ZNF398: variants seen among roughly 807,000 people sequenced by gnomAD.
ZNF398 encodes zinc finger DNA binding protein ZER6.
Under a neutral mutation model 41.9 loss-of-function variants are expected in ZNF398, and 18 were observed. The ratio of observed to expected loss-of-function variants is 0.43; its 90% CI spans 0.30 to 0.64. ZNF398 has a LOEUF of 0.64. ZNF398 is among the 30% of genes least tolerant of loss of function. The pLI is 0.14. For missense variants in ZNF398, 669 were observed against 822.8 expected (o/e 0.81, Z 2.29); for synonymous variants, 260 against 308.8 (o/e 0.84, Z 1.66).
chr7:149,131,148 G>T (rs928675451), intron 2 of ZNF398, among the ~76,000 whole-genome samples: 16 of 152,152 alleles, frequency 1.1e-4, no homozygotes, highest in African/African-American at 3.4e-4. Flanking sequence ...TTTATTCAAA[G>T]AAACCATAAA....
At chr7:149,152,370 G>C (rs1827140286) in intron 1 of ZNF398, among the ~76,000 whole-genome samples, 1 of 147,722 alleles carries the variant, frequency 6.8e-6, no homozygotes, top group Non-Finnish European at 1.5e-5. Flanking sequence ...ACGCCATTCT[G>C]CTGCCTCAGC....
At chr7:149,155,734 T>A (rs200615250) in intron 2 of ZNF398, among the ~76,000 whole-genome samples, 71,889 of 109,546 alleles carry the variant, frequency 0.66, 23,689 homozygotes, top group East Asian at 0.9. Context: ...TTTTTTAATT[T>A]TTTTTTTTTT....
Position 149,132,308 on chromosome 7 carries a change from C to A in ZNF398, c.-490+3364C>A, listed in dbSNP as rs557077315. ...CTCCCAGGTTCAACTGATTCTCCTG[C>A]CTCAGCCTCCCGAGTAGCTGAGATT... is the stretch of plus-strand genomic sequence containing the variant. On this transcript the variant is annotated intron_variant, in intron 2 of 6. Transcript: ENST00000426851. 7.3e-5 allele frequency among the ~76,000 whole-genome samples: 11 copies of A among 151,650 alleles called. No homozygotes were observed. In the Admixed American group the frequency reaches 7.3e-4, roughly 10 times the overall value.
chr7:149,167,579 A>G (rs745607511), intron 4 of ZNF398, among the ~76,000 whole-genome samples: 1 of 151,182 alleles, frequency 6.6e-6, no homozygotes, highest in Non-Finnish European at 1.5e-5. Context: ...TATTATATGA[A>G]CTTCTCTTAC....
intron 2 of ZNF398, among the ~76,000 whole-genome samples, chr7:149,154,786 T>G (rs1242645139): frequency 1.3e-5 from 2 of 151,248 alleles, no homozygotes; most frequent in Non-Finnish European, 2.9e-5. Flanking sequence ...GTCAGGAGTT[T>G]GAGACCATCC....
chr7:149,158,594 G>C (rs1407294471), intron 2 of ZNF398, among the ~76,000 whole-genome samples: 3 of 152,050 alleles, frequency 2.0e-5, no homozygotes, highest in African/African-American at 7.2e-5. Flanking sequence ...CAGCACTTTG[G>C]GAGGCCTAGG....
chr7:149,136,867 C>A (rs1419367999), intron 2 of ZNF398, among the ~76,000 whole-genome samples: 1 of 136,066 alleles, frequency 7.3e-6, no homozygotes, highest in African/African-American at 2.7e-5. Flanking sequence ...CGCGCTGGGC[C>A]TTTTTTTTTT....
At chr7:149,137,127 A>G (rs1235511775) in intron 2 of ZNF398, among the ~76,000 whole-genome samples, 1 of 152,082 alleles carries the variant, frequency 6.6e-6, no homozygotes, top group Non-Finnish European at 1.5e-5. Flanking sequence ...TCAGCCTCCC[A>G]AAGTGCTGGG....
At chr7:149,159,589 A>T (rs1795057407) in intron 2 of ZNF398, among the ~76,000 whole-genome samples, 1 of 152,042 alleles carries the variant, frequency 6.6e-6, no homozygotes, top group Non-Finnish European at 1.5e-5. Context: ...TGGAGGTTGC[A>T]GTGAGCTGAG....
chr7:149,127,438 G>C (rs1826505179), intron 1 of ZNF398, among the ~76,000 whole-genome samples: 1 of 150,692 alleles, frequency 6.6e-6, no homozygotes, highest in South Asian at 2.1e-4. Context: ...TGGGCGCGGT[G>C]CCTCACGCCT....
intron 2 of ZNF398, among the ~76,000 whole-genome samples, chr7:149,155,012 C>T (rs1466664610): frequency 1.4e-5 from 2 of 146,656 alleles, no homozygotes; most frequent in South Asian, 2.2e-4. Flanking sequence ...AAAGGCCTGG[C>T]GAGATGACTC....
Position 149,163,280 on chromosome 7 carries a change from C to G in ZNF398, c.421-2878C>G, listed in dbSNP as rs550468675. On this transcript the variant is annotated intron_variant, in intron 2 of 5. Transcript: ENST00000475153. ...AGTGCAGTGGCGTGATCTCAGCTCA[C>G]TGGAACCTCCGCCTCCCAGGTTCAA... is the stretch of plus-strand genomic sequence containing the variant. 7.2e-5 allele frequency among the ~76,000 whole-genome samples: 11 copies of G among 152,186 alleles called. No individual in the cohort carries two copies. In the South Asian group the frequency reaches 2.3e-3, roughly 32 times the overall value.
rs539537295 is a variant in ZNF398 at position 149,180,852 on chromosome 7, T to A, written c.*1051T>A. The A allele has an allele frequency of 3.9e-5, 6 of 152,356 alleles. No individual in the cohort carries two copies. The South Asian group carries it at 1.2e-3, about 32-fold the overall frequency. The allele number at this position is 152,356 out of a possible 1,614,324, so 9.4% of individuals were successfully genotyped here. Reference sequence around the variant, plus strand: ...CAGTAGTGAGATGATAACAGTGTTATAATGCAGCTTCCTTGAGCCATCAGA... The same window carrying A: ...CAGTAGTGAGATGATAACAGTGTTAAAATGCAGCTTCCTTGAGCCATCAGA... On this transcript the variant is annotated 3_prime_UTR_variant, in exon 6 of 6. Transcript: ENST00000475153.
At chr7:149,128,779 A>ATT (rs1025179837) in intron 1 of ZNF398, 1 of 127,192 alleles carries the variant, frequency 7.9e-6, no homozygotes, top group Non-Finnish European at 1.6e-5. Context: ...ATAAAATAAA[A>ATT]TTATATATAT....
chr7:149,175,343 CAA>C (rs879598784), intron 4 of ZNF398, among the ~76,000 whole-genome samples: 3 of 134,724 alleles, frequency 2.2e-5, no homozygotes, highest in Non-Finnish European at 3.2e-5. Flanking sequence ...CCATTTAGTC[CAA>C]AAAAAAAAAA....
At position 149,153,148 on chromosome 7, in the gene ZNF398, C is replaced by T. The variant is rs182467473; in HGVS notation, c.25-797C>T. ...TGCTGGGATTACAGGCATGAGCCAC[C>T]GCACCGGCAAGAATTTCTTTTTTTG... On this transcript the variant is annotated intron_variant, in intron 1 of 5. Coordinates refer to ENST00000475153, the MANE Select transcript of ZNF398 (RefSeq NM_170686.3). Among the ~76,000 whole-genome samples, 64 of 152,196 alleles carry T rather than the reference C, an allele frequency of 4.2e-4. No homozygotes were observed. The East Asian group carries it at 0.012, about 28-fold the overall frequency.
At chr7:149,138,102 G>C (rs1826751359) in intron 2 of ZNF398, among the ~76,000 whole-genome samples, 2 of 151,558 alleles carry the variant, frequency 1.3e-5, no homozygotes, top group African/African-American at 2.4e-5. Flanking sequence ...TCGGGAGGCT[G>C]AGGCAGGAGA....
intron 2 of ZNF398, among the ~76,000 whole-genome samples, chr7:149,162,082 G>T (rs1049382291): frequency 6.6e-6 from 1 of 152,150 alleles, no homozygotes; most frequent in Non-Finnish European, 1.5e-5. Flanking sequence ...GGGCTGGAGT[G>T]CAGTGGTGCT....
rs552912177 is a variant in ZNF398, at chr7:149,178,515, C to T, written c.776-133C>T. ...TTTGCCACAGAGACCACAGATGTCT[C>T]GGTTATTATTGCAGCCTTCTGCTGT... On this transcript the variant is annotated intron_variant, in intron 5 of 5. Coordinates refer to ENST00000475153, the MANE Select transcript of ZNF398 (RefSeq NM_170686.3). The T allele has an allele frequency of 3.1e-4, 221 of 715,096 alleles. 1 individual carries two copies. The highest frequency in any genetic ancestry group is 4.2e-4 in the Non-Finnish European group (175 of 418,430). 44.3% of individuals were successfully genotyped at this position (715,096 alleles called of 1,614,324 possible).
Sources: allele counts gnomAD v4.1 joint callset (sites outside exome capture counted in the v4.1 genomes callset), GRCh38; gene constraint gnomAD v4.1.1; transcripts MANE v1.5; gene names NCBI Gene and HGNC (gene_info 2026-07-23, HGNC 2026-07-21).